EPHA4: variants seen among roughly 807,000 people sequenced by gnomAD.
EPHA4 encodes ephrin type-A receptor 4.
In EPHA4, 19 loss-of-function variants were observed where a neutral mutation model predicts 108.3. That is an observed-to-expected ratio of 0.18 (90% CI 0.12 to 0.26). The LOEUF (loss-of-function observed/expected upper bound fraction) is 0.26, where lower values mean the gene tolerates loss of function less well. EPHA4 is among the 10% of genes least tolerant of loss of function. The pLI is 1.00. For missense variants in EPHA4, 917 were observed against 1,254.0 expected (o/e 0.73, Z 4.06); for synonymous variants, 449 against 455.5 (o/e 0.99, Z 0.18).
At chr2:221,572,120 C>G (rs748311845) in intron 1 of EPHA4, 38 bp downstream of exon 1, 1 of 1,575,022 alleles carries the variant, frequency 6.3e-7, no homozygotes, top group Non-Finnish European at 8.7e-7. Flanking sequence ...GATGGCCCCT[C>G]GCTGTCCCCG....
chr2:221,485,339 C>A (rs1243497141), intron 4 of EPHA4, among the ~76,000 whole-genome samples: 2 of 152,150 alleles, frequency 1.3e-5, no homozygotes, highest in Admixed American at 6.5e-5. Flanking sequence ...CACGAAAACA[C>A]GTGCTAAGCT....
rs779766264 is a variant in EPHA4 at position 221,563,978 on chromosome 2, G to A, written c.576C>T (p.Ile192=). Residue 192 remains isoleucine (I), a synonymous_variant, in exon 3 of 18, where the codon ATC becomes ATT. Coordinates refer to ENST00000281821, the MANE Select transcript of EPHA4 (RefSeq NM_004438.5). ...AGAACACACGGACTGATACCAGGGCGATGCAGGCCCCCACATCCTGAAAAG... is the reference window on the plus strand; with the variant it reads ...AGAACACACGGACTGATACCAGGGCAATGCAGGCCCCCACATCCTGAAAAG... The part of the protein sequence containing the change: ...YLAFQDVGAC[I]ALVSVRVFYK... The A allele has an allele frequency of 7.4e-6, 12 of 1,613,918 alleles. No homozygotes were observed. The highest frequency in any genetic ancestry group is 4.0e-5 in the African/African-American group (3 of 74,860).
chr2:221,475,245 T>G (rs756117670), intron 5 of EPHA4, among the ~76,000 whole-genome samples: 8 of 152,196 alleles, frequency 5.3e-5, no homozygotes, highest in Non-Finnish European at 5.9e-5. Context: ...GAATGCATAC[T>G]TTAAAGAGAA....
intron 8 of EPHA4, among the ~76,000 whole-genome samples, chr2:221,450,832 C>CTAAAGGA (rs1397649190): frequency 6.6e-6 from 1 of 152,178 alleles, no homozygotes; most frequent in African/African-American, 2.4e-5. Flanking sequence ...AATACTTTCC[C>CTAAAGGA]TCACTACCAA....
intron 5 of EPHA4, among the ~76,000 whole-genome samples, chr2:221,481,485 A>G (rs1691818271): frequency 1.3e-5 from 2 of 152,028 alleles, no homozygotes; most frequent in South Asian, 4.2e-4. Context: ...CCCCATTTCT[A>G]CTAAAAATAC....
Position 221,564,150 on chromosome 2 carries a change from C to G in EPHA4, c.404G>C (p.Arg135Pro). 1 of 1,614,138 alleles carries G rather than the reference C, an allele frequency of 6.2e-7. No individual in the cohort carries two copies. Among genetic ancestry groups the G allele is most frequent in the South Asian group, 1.1e-5 (1 of 91,074 alleles). The change falls in exon 3 of 18, where the codon CGT becomes CCT. Residue 135 changes from arginine to proline, a missense_variant. By Grantham distance (103) the Arg-to-Pro change is moderately radical (BLOSUM62 -2). Coordinates refer to ENST00000281821, the MANE Select transcript of EPHA4 (RefSeq NM_004438.5). ...GACAAACTGGTTCTCTCTGATGAAA[C>G]GCTCTTTGTCGTTGTCTGATTCATA... Reference protein sequence around the residue: ...YYYESDNDKERFIRENQFVKI... With the variant: ...YYYESDNDKEPFIRENQFVKI...
At chr2:221,483,093 C>G (rs1003322413) in intron 4 of EPHA4, among the ~76,000 whole-genome samples, 17 of 152,210 alleles carry the variant, frequency 1.1e-4, no homozygotes, top group African/African-American at 4.1e-4. Context: ...TAGTTATATA[C>G]CACTTCTGAA....
chr2:221,530,035 C>T (rs1693458719), intron 3 of EPHA4, among the ~76,000 whole-genome samples: 1 of 152,118 alleles, frequency 6.6e-6, no homozygotes. Context: ...AAATAATAAA[C>T]ACCCAACGCA....
intron 3 of EPHA4, among the ~76,000 whole-genome samples, chr2:221,517,279 A>G (rs1348863365): frequency 2.0e-5 from 3 of 152,232 alleles, no homozygotes; most frequent in African/African-American, 7.2e-5. Flanking sequence ...TACAGTAGGC[A>G]TGTATTAGAC....
In EPHA4 at chr2:221,420,400, T is replaced by C. The variant is rs1386301125; in HGVS notation, c.*972A>G. 1 of 152,658 alleles carries C rather than the reference T, an allele frequency of 6.6e-6. No individual in the cohort carries two copies. Among genetic ancestry groups the C allele is most frequent in the Non-Finnish European group, 1.5e-5 (1 of 68,046 alleles). 9.5% of individuals were successfully genotyped at this position (152,658 alleles called of 1,614,324 possible). On this transcript the variant is annotated 3_prime_UTR_variant, in exon 18 of 18. Transcript: ENST00000281821. Reference sequence around the variant, plus strand: ...CACATTTATTCTTTTCAGGTATGGGTGTTGTTTCATCAGTGTCTTTGCCCC... The same window carrying C: ...CACATTTATTCTTTTCAGGTATGGGCGTTGTTTCATCAGTGTCTTTGCCCC...
intron 3 of EPHA4, among the ~76,000 whole-genome samples, chr2:221,549,815 C>T (rs1559289682): frequency 6.6e-6 from 1 of 152,126 alleles, no homozygotes; most frequent in South Asian, 2.1e-4. Flanking sequence ...GGTGAAACCC[C>T]ATCTCTACTA....
chr2:221,557,413 T>C (rs1190900028), intron 3 of EPHA4, among the ~76,000 whole-genome samples: 1 of 152,254 alleles, frequency 6.6e-6, no homozygotes, highest in Non-Finnish European at 1.5e-5. Context: ...GTAACAATTT[T>C]CACTTTCTAA....
At chr2:221,499,756 A>ATATATATATATT (rs1334015871) in intron 4 of EPHA4, among the ~76,000 whole-genome samples, 5 of 26,226 alleles carry the variant, frequency 1.9e-4, no homozygotes, top group Non-Finnish European at 1.9e-4. Context: ...ATATATATAT[A>ATATATATATATT]TTTTTTTTTT....
chr2:221,434,019 T>G (rs1690157749), intron 14 of EPHA4, 123 bp downstream of exon 14: 1 of 922,668 alleles, frequency 1.1e-6, no homozygotes, highest in Non-Finnish European at 1.6e-6. Context: ...GCTAGATATA[T>G]CTGTATTAAG....
intron 5 of EPHA4, among the ~76,000 whole-genome samples, chr2:221,471,610 A>C (rs574204058): frequency 6.6e-6 from 1 of 152,320 alleles, no homozygotes; most frequent in African/African-American, 2.4e-5. Flanking sequence ...GAATCCTTGA[A>C]GAGTTTACAG....
chr2:221,476,755 A>G (rs1691663824), intron 5 of EPHA4, among the ~76,000 whole-genome samples: 1 of 152,114 alleles, frequency 6.6e-6, no homozygotes, highest in Non-Finnish European at 1.5e-5. Flanking sequence ...GAGAATTCCC[A>G]CTGTTCTCCA....
At chr2:221,523,461 A>G (rs1458242380) in intron 3 of EPHA4, among the ~76,000 whole-genome samples, 18 of 151,618 alleles carry the variant, frequency 1.2e-4, no homozygotes, top group Admixed American at 1.2e-3. Context: ...CTAATTTTGT[A>G]TTTTTAGTAG....
chr2:221,549,128 T>C (rs1247417773), intron 3 of EPHA4, among the ~76,000 whole-genome samples: 2 of 152,164 alleles, frequency 1.3e-5, no homozygotes, highest in Non-Finnish European at 2.9e-5. Context: ...CCTGGGGTCA[T>C]GCAGCCAATG....
chr2:221,466,355 AAAG>A (rs768570303), intron 5 of EPHA4, among the ~76,000 whole-genome samples: 1 of 152,198 alleles, frequency 6.6e-6, no homozygotes, highest in Non-Finnish European at 1.5e-5. Context: ...GCCACAAAAC[AAAG>A]AATGGGGAAA....
Sources: gnomAD v4.1 joint callset for allele counts (sites outside exome capture counted in the v4.1 genomes callset) on GRCh38, gnomAD v4.1.1 for gene constraint, MANE v1.5 for transcripts, NCBI Gene and HGNC (gene_info 2026-07-23, HGNC 2026-07-21) for gene names.